Variants in MACROD2 observed in about 807,000 individuals in gnomAD.
MACROD2 encodes mono-ADP ribosylhydrolase 2, also known as ADP-ribose glycohydrolase MACROD2.
Under a neutral mutation model 70.4 loss-of-function variants are expected in MACROD2, and 36 were observed. That is an observed-to-expected ratio of 0.51 (90% CI 0.39 to 0.68). The LOEUF (loss-of-function observed/expected upper bound fraction) is 0.68. MACROD2 is among the 30% of genes least tolerant of loss of function. The pLI, the probability that MACROD2 is intolerant of heterozygous loss-of-function variation, is 0.00. For synonymous variants in MACROD2, 172 were observed against 178.8 expected (o/e 0.96, Z 0.30); for missense variants, 496 against 538.4 (o/e 0.92, Z 0.78).
intron 3 of MACROD2, among the ~76,000 whole-genome samples, chr20:14,105,713 G>A (rs773423393): frequency 6.6e-6 from 1 of 152,158 alleles, no homozygotes; most frequent in Non-Finnish European, 1.5e-5. Flanking sequence ...ACCCCAGACA[G>A]TGCAGTTTGC....
At chr20:15,931,017 C>G (rs1447158413) in intron 10 of MACROD2, among the ~76,000 whole-genome samples, 2 of 152,170 alleles carry the variant, frequency 1.3e-5, no homozygotes, top group African/African-American at 4.8e-5. Flanking sequence ...CACCTGCAAA[C>G]TTCATGGCTA....
At chr20:15,359,135 A>G (rs906516033) in intron 6 of MACROD2, among the ~76,000 whole-genome samples, 1 of 152,204 alleles carries the variant, frequency 6.6e-6, no homozygotes, top group Admixed American at 6.5e-5. Flanking sequence ...TTAGAATTTA[A>G]TTAAATTACA....
At chr20:14,472,256 C>T (rs879637230) in intron 3 of MACROD2, among the ~76,000 whole-genome samples, 7 of 152,068 alleles carry the variant, frequency 4.6e-5, no homozygotes, top group Admixed American at 4.6e-4. Context: ...TTGTTACAGT[C>T]ATATTTTTTG....
intron 2 of MACROD2, among the ~76,000 whole-genome samples, chr20:14,031,821 G>A (rs1051147858): frequency 2.6e-5 from 4 of 152,022 alleles, no homozygotes; most frequent in African/African-American, 9.7e-5. Context: ...TGCATTTTTA[G>A]TTTATTTAAT....
At chr20:15,173,039 T>A (rs899632574) in intron 5 of MACROD2, among the ~76,000 whole-genome samples, 7 of 152,060 alleles carry the variant, frequency 4.6e-5, no homozygotes, top group African/African-American at 1.7e-4. Context: ...ATATATAAAC[T>A]GTGTGTGTGC....
At chr20:15,652,477 G>A (rs988682815) in intron 8 of MACROD2, among the ~76,000 whole-genome samples, 11 of 152,228 alleles carry the variant, frequency 7.2e-5, no homozygotes, top group Non-Finnish European at 1.3e-4. Context: ...AGAAAAGATC[G>A]AAAAGAGAAT....
chr20:15,501,876 G>T (rs2047369133), intron 8 of MACROD2, among the ~76,000 whole-genome samples: 1 of 152,106 alleles, frequency 6.6e-6, no homozygotes. Context: ...AACAGACTAG[G>T]TTAAGGACTT....
intron 8 of MACROD2, among the ~76,000 whole-genome samples, chr20:15,612,543 C>A (rs1423637244): frequency 6.6e-6 from 1 of 152,146 alleles, no homozygotes; most frequent in Non-Finnish European, 1.5e-5. Flanking sequence ...AAAACATATT[C>A]ATAGGACACG....
chr20:16,041,074 G>T (rs2067301289), intron 15 of MACROD2, 127 bp from the exon 16 acceptor site: 2 of 776,382 alleles, frequency 2.6e-6, no homozygotes, highest in Non-Finnish European at 4.2e-6. Context: ...AACCTTTTCT[G>T]CAAAAGAAGT....
intron 3 of MACROD2, among the ~76,000 whole-genome samples, chr20:14,271,645 A>G (rs931447068): frequency 5.3e-5 from 8 of 152,226 alleles, no homozygotes; most frequent in African/African-American, 1.7e-4. Flanking sequence ...CTGAATGGAG[A>G]ATGACTTTGA....
intron 4 of MACROD2, among the ~76,000 whole-genome samples, chr20:14,676,179 A>C (rs1294249721): frequency 6.6e-6 from 1 of 152,160 alleles, no homozygotes; most frequent in Non-Finnish European, 1.5e-5. Context: ...ACTTGAACTC[A>C]GCTGTGGACC....
At chr20:15,173,268 A>G (rs921255170) in intron 5 of MACROD2, among the ~76,000 whole-genome samples, 5 of 152,278 alleles carry the variant, frequency 3.3e-5, no homozygotes, top group Admixed American at 2.0e-4. Flanking sequence ...TTTCCTGAAA[A>G]TGCTTCCTTT....
At chr20:14,809,338 G>A (rs1359697472) in intron 5 of MACROD2, among the ~76,000 whole-genome samples, 1 of 151,984 alleles carries the variant, frequency 6.6e-6, no homozygotes, top group Non-Finnish European at 1.5e-5. Flanking sequence ...ATGACTACTG[G>A]GTAAATAACG....
intron 4 of MACROD2, among the ~76,000 whole-genome samples, chr20:14,561,669 T>TA (rs1425884754): frequency 2.6e-5 from 4 of 151,824 alleles, no homozygotes; most frequent in Non-Finnish European, 5.9e-5. Context: ...CACTTGTAAA[T>TA]ATTGCATTCA....
chr20:14,617,910 A>G (rs904583896), intron 4 of MACROD2, among the ~76,000 whole-genome samples: 1 of 152,190 alleles, frequency 6.6e-6, no homozygotes, highest in East Asian at 1.9e-4. Context: ...TGCAGGTGAT[A>G]ATTTGTACAG....
At chr20:15,291,735 G>T (rs1004841519) in intron 6 of MACROD2, among the ~76,000 whole-genome samples, 1 of 150,224 alleles carries the variant, frequency 6.7e-6, no homozygotes, top group African/African-American at 2.5e-5. Context: ...AATTGTGGAG[G>T]ACACAGCTGC....
At chr20:15,039,849 T>G (rs538246509) in intron 5 of MACROD2, among the ~76,000 whole-genome samples, 2 of 152,306 alleles carry the variant, frequency 1.3e-5, no homozygotes, top group East Asian at 3.9e-4. Context: ...GGTCATTTTT[T>G]TCAACACAAT....
At chr20:14,518,627 A>G (rs1211615658) in intron 4 of MACROD2, among the ~76,000 whole-genome samples, 1 of 152,150 alleles carries the variant, frequency 6.6e-6, no homozygotes, top group Admixed American at 6.6e-5. Context: ...CAATTACATC[A>G]TTTTTCTCTT....
intron 7 of MACROD2, among the ~76,000 whole-genome samples, chr20:15,467,704 T>C (rs1220563081): frequency 7.2e-6 from 1 of 139,622 alleles, no homozygotes; most frequent in Non-Finnish European, 1.5e-5. Flanking sequence ...AAATATTTAT[T>C]GATTCAAATT....
Sources: allele counts gnomAD v4.1 joint callset (sites outside exome capture counted in the v4.1 genomes callset), GRCh38; gene constraint gnomAD v4.1.1; transcripts MANE v1.5; gene names NCBI Gene and HGNC (gene_info 2026-07-23, HGNC 2026-07-21).